Variants in SACS observed in about 807,000 individuals in gnomAD.
The protein encoded by SACS is sacsin.
A neutral mutation model predicts 348.0 loss-of-function variants in SACS; 197 were observed. That is an observed-to-expected ratio of 0.57 (90% CI 0.50 to 0.64). SACS has a LOEUF of 0.64. SACS is among the 30% of genes least tolerant of loss of function. SACS has a pLI of 0.00. For synonymous variants in SACS, 1,985 were observed against 1,910.6 expected (o/e 1.04, Z -1.02); for missense variants, 4,999 against 5,360.8 (o/e 0.93, Z 2.11).
chr13:23,356,536 G>T (rs887373070), intron 7 of SACS, among the ~76,000 whole-genome samples: 5 of 152,182 alleles, frequency 3.3e-5, no homozygotes. Flanking sequence ...CTCTTGCTGG[G>T]AGCATCTCAC....
chr13:23,355,225 G>T lies in SACS; in HGVS notation c.1387C>A (p.His463Asn), dbSNP rs149951538. ...GEESSTGLPV[H>N]ISGFFGLTDN... is the part of the protein sequence containing the mutation. ...GTAAGGCCAAAGAACCCACTGATGTGAACTGGGAGGCCTGTGCTGCTTTCC... is the reference window on the plus strand; with the variant it reads ...GTAAGGCCAAAGAACCCACTGATGTTAACTGGGAGGCCTGTGCTGCTTTCC... Residue 463 changes from histidine to asparagine, a missense_variant, in exon 8 of 10, where the codon CAC becomes AAC. Transcript: ENST00000382292. The T allele has an allele frequency of 5.6e-6, 9 of 1,614,078 alleles. No individual in the cohort carries two copies. The African/African-American group carries it at 9.3e-5, about 17-fold the overall frequency.
At position 23,409,040 on chromosome 13, in the gene SACS, C is replaced by CTTTTTTTTTTTTTTTTTTTTTTTT. The variant is rs1175897856; in HGVS notation, c.20+2156_20+2179dup. On this transcript the variant is annotated intron_variant, in intron 2 of 9. Coordinates refer to ENST00000382292, the MANE Select transcript of SACS (RefSeq NM_014363.6). ...TATGGTCTTAATAAAACAAGTTTTACTTTTTTTTTTTTTTTTTTTTTTTTT... is the reference window on the plus strand; with the variant it reads ...TATGGTCTTAATAAAACAAGTTTTACTTTTTTTTTTTTTTTTTTTTTTTTTTTTTTTTTTTTTTTTTTTTTTTTT... Among the ~76,000 whole-genome samples, 23 of 35,148 alleles carry CTTTTTTTTTTTTTTTTTTTTTTTT rather than the reference C, an allele frequency of 6.5e-4. 7 individuals are homozygous for CTTTTTTTTTTTTTTTTTTTTTTTT. Among genetic ancestry groups the CTTTTTTTTTTTTTTTTTTTTTTTT allele is most frequent in the Non-Finnish European group, 9.8e-4 (20 of 20,388 alleles). The allele number at this position is 35,148 out of a possible 152,430, so 23.1% of individuals were successfully genotyped here.
chr13:23,351,532 T>C (rs1869959689), intron 9 of SACS, among the ~76,000 whole-genome samples: 1 of 152,206 alleles, frequency 6.6e-6, no homozygotes, highest in Non-Finnish European at 1.5e-5. Context: ...TCTTTTTGCC[T>C]GCCGCCAAGT....
At chr13:23,364,337 G>A (rs1212098696) in intron 6 of SACS, among the ~76,000 whole-genome samples, 3 of 152,192 alleles carry the variant, frequency 2.0e-5, no homozygotes, top group Non-Finnish European at 4.4e-5. Flanking sequence ...CTAAATTGAA[G>A]TGATGTGATC....
At chr13:23,378,133 G>C (rs1159673215) in intron 2 of SACS, among the ~76,000 whole-genome samples, 1 of 152,180 alleles carries the variant, frequency 6.6e-6, no homozygotes, top group Non-Finnish European at 1.5e-5. Flanking sequence ...GTACAAAATA[G>C]GAGAAAACAG....
chr13:23,377,871 T>C (rs1871878694), intron 2 of SACS, among the ~76,000 whole-genome samples: 1 of 152,090 alleles, frequency 6.6e-6, no homozygotes, highest in Non-Finnish European at 1.5e-5. Context: ...TGGCACAGAG[T>C]AGTCCCAAGA....
At chr13:23,401,123 A>G (rs1872957458) in intron 2 of SACS, among the ~76,000 whole-genome samples, 1 of 152,116 alleles carries the variant, frequency 6.6e-6, no homozygotes. Context: ...TCCTGGTGTA[A>G]TATTTTTAGT....
chr13:23,421,873 G>A (rs1388808122), intron 1 of SACS, among the ~76,000 whole-genome samples: 2 of 152,100 alleles, frequency 1.3e-5, no homozygotes, highest in Non-Finnish European at 2.9e-5. Context: ...CCTGGGGCCT[G>A]GACATCCACT....
intron 5 of SACS, 30 bp from the exon 6 acceptor site, chr13:23,365,307 A>T: frequency 8.2e-7 from 1 of 1,223,684 alleles, no homozygotes; most frequent in Non-Finnish European, 1.2e-6. Flanking sequence ...AAAAATAGTA[A>T]TTAATAACAC....
At position 23,355,827 on chromosome 13, in the gene SACS, A is replaced by G; in HGVS notation, c.785T>C (p.Ile262Thr). 6.2e-7 allele frequency: 1 copy of G among 1,614,250 alleles called. No individual in the cohort carries two copies. The highest frequency in any genetic ancestry group is 1.7e-5 in the Admixed American group (1 of 60,032). The change falls in exon 8 of 10, where the codon ATA (isoleucine) becomes ACA (threonine). Residue 262 changes from isoleucine (I) to threonine (T), a missense_variant. Coordinates refer to ENST00000382292, the MANE Select transcript of SACS (RefSeq NM_014363.6). ...GIFGSTKETF[I>T]NGNFPGTFFR... Reference sequence around the variant, plus strand: ...AAATGTTCCTGGAAAATTGCCGTTTATAAATGTTTCCTTGGTGCTTCCAAA... The same window carrying G: ...AAATGTTCCTGGAAAATTGCCGTTTGTAAATGTTTCCTTGGTGCTTCCAAA...
chr13:23,374,699 C>A (rs1318749641), intron 3 of SACS, among the ~76,000 whole-genome samples: 1 of 152,140 alleles, frequency 6.6e-6, no homozygotes, highest in Non-Finnish European at 1.5e-5. Flanking sequence ...TCTAAAGATT[C>A]TTTCAGTGCC....
Position 23,340,533 on chromosome 13 carries a change from C to A in SACS, c.3343G>T (p.Val1115Phe). Residue 1115 changes from valine to phenylalanine, a missense_variant, in exon 10 of 10, where the codon GTC (valine) becomes TTC (phenylalanine). Val to Phe is a conservative substitution (Grantham distance 50). Around this residue, in one of 6 missense-constraint regions of SACS, gnomAD observed 3,156 missense variants for 3,380.1 expected, o/e 0.93. Transcript: ENST00000382292. ...QVAKKIEALQ[V>F]GACPDQDVLL... ...ACATCTTGATCAGGACAAGCACCGA[C>A]CTGTAAGGCTTCAATTTTTTTTGCC... 1 of 1,612,030 alleles carries A rather than the reference C, an allele frequency of 6.2e-7. No homozygotes were observed. Among genetic ancestry groups the A allele is most frequent in the Non-Finnish European group, 8.5e-7 (1 of 1,179,414 alleles).
At position 23,331,592 on chromosome 13, in the gene SACS, T is replaced by C; in HGVS notation, c.12284A>G (p.Asp4095Gly). Reference protein sequence around the residue: ...LLYIQHSDSKDINFLLALAMT... With the variant: ...LLYIQHSDSKGINFLLALAMT... ...TGCCAATGCTAACAGGAAATTAATG[T>C]CTTTACTGTCTGAATGTTGAATGTA... Residue 4095 changes from aspartate to glycine, a missense_variant, in exon 10 of 10, where the codon GAC (aspartate) becomes GGC (glycine). By Grantham distance (94) the Asp-to-Gly change is moderately conservative (BLOSUM62 -1). Coordinates refer to ENST00000382292, the MANE Select transcript of SACS (RefSeq NM_014363.6). 1 of 1,613,994 alleles carries C rather than the reference T, an allele frequency of 6.2e-7. No homozygotes were observed.
intron 4 of SACS, among the ~76,000 whole-genome samples, chr13:23,370,443 A>G (rs559791089): frequency 2.0e-5 from 3 of 152,334 alleles, no homozygotes; most frequent in Admixed American, 1.3e-4. Context: ...GTTGTGCTTT[A>G]TTAAACTTTT....
Position 23,331,328 on chromosome 13 carries a change from C to T in SACS, c.12548G>A (p.Gly4183Glu). The change falls in exon 10 of 10, where the codon GGG (glycine) becomes GAG (glutamate). Residue 4183 changes from glycine (G) to glutamate (E), a missense_variant. By Grantham distance (98) the Gly-to-Glu change is moderately conservative (BLOSUM62 -2). Transcript: ENST00000382292. ...MNVFYPGEYVGYLVDAEGGDI... is the reference protein window; with the variant it reads ...MNVFYPGEYVEYLVDAEGGDI... ...ACCACCTTCAGCATCAACAAGGTAC[C>T]CAACATATTCTCCCGGGTAAAAAAC... 1 of 1,613,836 alleles carries T rather than the reference C, an allele frequency of 6.2e-7. No homozygotes were observed. Among genetic ancestry groups the T allele is most frequent in the Non-Finnish European group, 8.5e-7 (1 of 1,179,936 alleles).
chr13:23,431,943 A>G (rs1874448786), intron 1 of SACS, among the ~76,000 whole-genome samples: 1 of 152,254 alleles, frequency 6.6e-6, no homozygotes, highest in South Asian at 2.1e-4. Flanking sequence ...TGAGAAAACG[A>G]CAAAACTCTT....
intron 1 of SACS, chr13:23,426,917 T>G (rs991144767): frequency 6.6e-6 from 1 of 152,190 alleles, no homozygotes; most frequent in Admixed American, 6.5e-5. Context: ...ATATTTTCCT[T>G]TCACCCCCTC....
In SACS at chr13:23,336,766, G is replaced by A. The variant is rs1555251553; in HGVS notation, c.7110C>T (p.Tyr2370=). The A allele has an allele frequency of 1.2e-6, 2 of 1,613,874 alleles. No homozygotes were observed. Among genetic ancestry groups the A allele is most frequent in the Non-Finnish European group, 1.7e-6 (2 of 1,179,856 alleles). ...TATACTTATTAGGCAACTGATAAAG[G>A]TATGGTGCCGCCTCAAAATTTAAAT... ...SFHLNFEAAP[Y]LYQLPNKYKN... The change falls in exon 10 of 10, where the codon TAC becomes TAT. Residue 2370 remains tyrosine, a synonymous_variant. Coordinates refer to ENST00000382292, the MANE Select transcript of SACS (RefSeq NM_014363.6).
intron 2 of SACS, among the ~76,000 whole-genome samples, chr13:23,376,294 A>G (rs1001844240): frequency 2.6e-5 from 4 of 152,142 alleles, no homozygotes; most frequent in African/African-American, 9.7e-5. Flanking sequence ...TAAAGTTGCC[A>G]TGTAATTTGA....
Sources: gnomAD v4.1 joint callset for allele counts (sites outside exome capture counted in the v4.1 genomes callset) on GRCh38, gnomAD v4.1.1 for gene constraint, gnomAD v4.1.1 regional missense constraint, MANE v1.5 for transcripts, NCBI Gene and HGNC (gene_info 2026-07-23, HGNC 2026-07-21) for gene names.